Variants in NDUFB5 observed in about 807,000 individuals in gnomAD.
The protein encoded by NDUFB5 is NADH:ubiquinone oxidoreductase subunit B5.
A neutral mutation model predicts 19.4 loss-of-function variants in NDUFB5; 19 were observed. The ratio of observed to expected loss-of-function variants is 0.98; its 90% CI spans 0.68 to 1.43. NDUFB5 has a LOEUF of 1.43. Ranked by LOEUF, NDUFB5 falls within the 40% of genes most tolerant of loss-of-function variation. NDUFB5 has a pLI of 0.00. For missense variants in NDUFB5, 233 were observed against 236.5 expected (o/e 0.99, Z 0.10); for synonymous variants, 80 against 82.6 (o/e 0.97, Z 0.17).
In NDUFB5 at chr3:179,622,253, T is replaced by C. The variant is rs1462282739; in HGVS notation, c.450-1667T>C. 3.3e-5 allele frequency among the ~76,000 whole-genome samples: 5 copies of C among 152,194 alleles called. 1 individual carries two copies. Among genetic ancestry groups the C allele is most frequent in the East Asian group, 3.9e-4 (2 of 5,162 alleles). ...GCAGTCTTCCTGCCTTGGCCTCCCA[T>C]AGTGCTGGGATTACAGGCATGAGTC... On this transcript the variant is annotated intron_variant, in intron 5 of 5. Transcript: ENST00000259037.
At position 179,616,057 on chromosome 3, in the gene NDUFB5, A is replaced by G. The variant is rs759890002; in HGVS notation, c.280+8A>G. ...TGGTGAATGTATTCATTGGTAAGTC[A>G]CTTCCATCCCCTGCCAGCACCACCA... On this transcript the variant is annotated splice_region_variant and intron_variant, in intron 3 of 5. Transcript: ENST00000259037. 3 of 1,610,534 alleles carry G rather than the reference A, an allele frequency of 1.9e-6. No homozygotes were observed. The highest frequency in any genetic ancestry group is 8.5e-7 in the Non-Finnish European group (1 of 1,178,116).
At chr3:179,608,466 T>C (rs1719160454) in intron 1 of NDUFB5, among the ~76,000 whole-genome samples, 1 of 152,136 alleles carries the variant, frequency 6.6e-6, no homozygotes. Flanking sequence ...GTGCTGGGAT[T>C]ATAGACATGA....
chr3:179,610,471 A>G (rs1361382573), intron 1 of NDUFB5, among the ~76,000 whole-genome samples: 3 of 152,182 alleles, frequency 2.0e-5, no homozygotes, highest in African/African-American at 7.2e-5. Flanking sequence ...CCCTTATCAG[A>G]TATATGATTT....
Position 179,625,363 on chromosome 3 carries a change from A to AT in NDUFB5, c.*1329dup, listed in dbSNP as rs1337586066. Reference sequence around the variant, plus strand: ...CCACTTAAGGCCAAATGGAGAAATAATTTTTTGCTGCCTAAACACACAAGT... The same window carrying AT: ...CCACTTAAGGCCAAATGGAGAAATAATTTTTTTGCTGCCTAAACACACAAGT... On this transcript the variant is annotated 3_prime_UTR_variant, in exon 6 of 6. Transcript: ENST00000259037. 6.6e-6 allele frequency: 1 copy of AT among 152,092 alleles called. No homozygotes were observed. Among genetic ancestry groups the AT allele is most frequent in the East Asian group, 1.9e-4 (1 of 5,196 alleles). The allele number at this position is 152,092 out of a possible 1,614,324, so 9.4% of individuals were successfully genotyped here.
intron 5 of NDUFB5, among the ~76,000 whole-genome samples, chr3:179,623,657 G>A (rs890320629): frequency 2.0e-5 from 3 of 152,140 alleles, no homozygotes; most frequent in Admixed American, 6.6e-5. Flanking sequence ...CTGGGCAACC[G>A]TGCAAGACTC....
At chr3:179,619,657 A>T (rs1026210679) in intron 5 of NDUFB5, among the ~76,000 whole-genome samples, 44 of 152,186 alleles carry the variant, frequency 2.9e-4, no homozygotes, top group Non-Finnish European at 5.3e-4. Flanking sequence ...CACAGTAAAC[A>T]TATGTGTGCA....
chr3:179,607,867 T>A, intron 1 of NDUFB5: 1 of 693,926 alleles, frequency 1.4e-6, no homozygotes, highest in South Asian at 1.5e-5. Context: ...CCCCAAGGCA[T>A]ATTTATGTCG....
rs559109139 is a variant in NDUFB5, at chr3:179,615,975, T to A, written c.214-8T>A. 3.2e-5 allele frequency: 51 copies of A among 1,605,024 alleles called. No homozygotes were observed. The African/African-American group carries it at 5.0e-4, about 16-fold the overall frequency. ...TGGTCATGAGAAACACTTTTTTTTT[T>A]ATCTTAGAGATTCTACATTGCATTG... On this transcript the variant is annotated splice_region_variant and splice_polypyrimidine_tract_variant and intron_variant, in intron 2 of 5. Coordinates refer to ENST00000259037, the MANE Select transcript of NDUFB5 (RefSeq NM_002492.4).
intron 1 of NDUFB5, among the ~76,000 whole-genome samples, chr3:179,611,630 C>T (rs1374456549): frequency 6.6e-6 from 1 of 151,868 alleles, no homozygotes; most frequent in Non-Finnish European, 1.5e-5. Flanking sequence ...GAACTCCTGA[C>T]CTCAGGTGAT....
intron 1 of NDUFB5, among the ~76,000 whole-genome samples, chr3:179,605,683 A>G (rs987672644): frequency 8.5e-5 from 13 of 152,140 alleles, no homozygotes; most frequent in African/African-American, 1.4e-4. Flanking sequence ...TCCAGCCTGT[A>G]TTATGTTCGT....
Position 179,627,072 on chromosome 3 carries a change from C to G in NDUFB5, c.*3032C>G, listed in dbSNP as rs1719691881. The G allele has an allele frequency of 6.6e-6, 1 of 152,252 alleles. No homozygotes were observed. Among genetic ancestry groups the G allele is most frequent in the South Asian group, 2.1e-4 (1 of 4,830 alleles). 9.4% of individuals were successfully genotyped at this position (152,252 alleles called of 1,614,324 possible). ...TTCTGGGGAGGCCTCAAGGAACTTT[C>G]ACTCATAGCAGAAAGCAAAGCAGGA... is the stretch of plus-strand genomic sequence containing the variant. On this transcript the variant is annotated 3_prime_UTR_variant, in exon 6 of 6. Transcript: ENST00000259037.
intron 4 of NDUFB5, 162 bp downstream of exon 4, chr3:179,617,206 C>T: frequency 2.1e-6 from 1 of 471,974 alleles, no homozygotes; most frequent in South Asian, 2.7e-5. Context: ...GGCGCGATTT[C>T]AGCTCACTGC....
intron 1 of NDUFB5, among the ~76,000 whole-genome samples, chr3:179,610,233 C>T (rs930269898): frequency 2.6e-5 from 4 of 152,110 alleles, no homozygotes; most frequent in African/African-American, 7.2e-5. Context: ...GCTGGGATGA[C>T]GGGTGCACAC....
intron 1 of NDUFB5, among the ~76,000 whole-genome samples, chr3:179,613,141 A>T (rs2108396328): frequency 6.6e-6 from 1 of 151,984 alleles, no homozygotes; most frequent in East Asian, 1.9e-4. Context: ...TGTTTCTAAG[A>T]CTCGACAAGT....
In NDUFB5 at chr3:179,611,021, G is replaced by A. The variant is rs185693822; in HGVS notation, c.125-3950G>A. Among the ~76,000 whole-genome samples, 460 of 152,216 alleles carry A rather than the reference G, an allele frequency of 3.0e-3. 3 individuals carry two copies. Among genetic ancestry groups the A allele is most frequent in the Admixed American group, 9.4e-3 (143 of 15,274 alleles). ...TTTTTTTATTGGATATGTGACTCTT[G>A]GGGTAGGTAGGCGTTGGGAGAAAAG... is the stretch of plus-strand genomic sequence containing the variant. On this transcript the variant is annotated intron_variant, in intron 1 of 5. Coordinates refer to ENST00000259037, the MANE Select transcript of NDUFB5 (RefSeq NM_002492.4).
At chr3:179,605,113 G>C (rs1719047098) in intron 1 of NDUFB5, among the ~76,000 whole-genome samples, 174 bp downstream of exon 1, 1 of 151,784 alleles carries the variant, frequency 6.6e-6, no homozygotes, top group African/African-American at 2.4e-5. Flanking sequence ...GAAGTAGCCA[G>C]ATAGATCGTG....
chr3:179,626,461 T>A lies in NDUFB5; in HGVS notation c.*2421T>A, dbSNP rs930142149. 1 of 152,206 alleles carries A rather than the reference T, an allele frequency of 6.6e-6. No homozygotes were observed. The allele number at this position is 152,206 out of a possible 1,614,324, so 9.4% of individuals were successfully genotyped here. On this transcript the variant is annotated 3_prime_UTR_variant, in exon 6 of 6. Transcript: ENST00000259037. ...CATGTTGCCCAGGCTGGTCTTGAACTCCTGTGCTCAAGTGATCCGCTCACC... is the reference window on the plus strand; with the variant it reads ...CATGTTGCCCAGGCTGGTCTTGAACACCTGTGCTCAAGTGATCCGCTCACC...
At chr3:179,609,019 C>G (rs1719172984) in intron 1 of NDUFB5, among the ~76,000 whole-genome samples, 1 of 152,196 alleles carries the variant, frequency 6.6e-6, no homozygotes, top group South Asian at 2.1e-4. Flanking sequence ...ATCATTGGCT[C>G]TTGAAACTGC....
chr3:179,606,283 G>A (rs1264173507), intron 1 of NDUFB5, among the ~76,000 whole-genome samples: 4 of 152,192 alleles, frequency 2.6e-5, no homozygotes, highest in Non-Finnish European at 5.9e-5. Flanking sequence ...TAAATAATGT[G>A]TCACTAAATA....
Sources: allele counts gnomAD v4.1 joint callset (sites outside exome capture counted in the v4.1 genomes callset), GRCh38; gene constraint gnomAD v4.1.1; transcripts MANE v1.5; gene names NCBI Gene and HGNC (gene_info 2026-07-23, HGNC 2026-07-21).